Variants in TBC1D22A observed in about 807,000 individuals in gnomAD.
TBC1D22A encodes the protein putative GTPase activator.
Under a neutral mutation model 60.2 loss-of-function variants are expected in TBC1D22A, and 38 were observed. The observed-to-expected ratio is 0.63, with a 90% CI of 0.49 to 0.83. The LOEUF is 0.83. Among genes scored for constraint, TBC1D22A ranks in the 40% least tolerant of loss-of-function variants. TBC1D22A has a pLI of 0.00. For synonymous variants in TBC1D22A, 302 were observed against 281.7 expected (o/e 1.07, Z -0.72); for missense variants, 628 against 701.0 (o/e 0.90, Z 1.18).
At chr22:47,127,520 G>T (rs370856180) in intron 12 of TBC1D22A, among the ~76,000 whole-genome samples, 2 of 150,832 alleles carry the variant, frequency 1.3e-5, no homozygotes, top group Admixed American at 6.6e-5. Flanking sequence ...CCACCACCAC[G>T]CCCAGCCTGG....
intron 4 of TBC1D22A, among the ~76,000 whole-genome samples, chr22:46,819,473 T>C (rs1161763076): frequency 6.6e-6 from 1 of 152,226 alleles, no homozygotes; most frequent in Non-Finnish European, 1.5e-5. Context: ...ATCAAAGGCC[T>C]TTTCTGTATC....
At chr22:46,922,149 C>T (rs2070794137) in intron 8 of TBC1D22A, among the ~76,000 whole-genome samples, 1 of 152,180 alleles carries the variant, frequency 6.6e-6, no homozygotes. Context: ...GGAGTCCTTT[C>T]TCCATTGCTT....
intron 11 of TBC1D22A, among the ~76,000 whole-genome samples, chr22:47,063,859 A>G (rs1021857594): frequency 6.6e-6 from 1 of 152,172 alleles, no homozygotes; most frequent in Non-Finnish European, 1.5e-5. Flanking sequence ...CTCTGTCGCT[A>G]CGTAGCCTTC....
At chr22:46,786,928 C>G (rs2084182712) in intron 1 of TBC1D22A, among the ~76,000 whole-genome samples, 1 of 152,082 alleles carries the variant, frequency 6.6e-6, no homozygotes, top group East Asian at 1.9e-4. Flanking sequence ...TTCAAGTGAT[C>G]CTCCCACCTT....
chr22:46,974,052 TTA>T (rs1380629070), intron 8 of TBC1D22A, among the ~76,000 whole-genome samples: 1 of 152,232 alleles, frequency 6.6e-6, no homozygotes, highest in Non-Finnish European at 1.5e-5. Context: ...AATGTATTAA[TTA>T]TGTTAATTAA....
At chr22:47,166,523 G>A (rs1045264670) in intron 12 of TBC1D22A, among the ~76,000 whole-genome samples, 3 of 152,226 alleles carry the variant, frequency 2.0e-5, no homozygotes, top group East Asian at 1.9e-4. Context: ...TGTTTCAGAC[G>A]CACCACTCAT....
At position 46,932,042 on chromosome 22, in the gene TBC1D22A, GT is replaced by G. The variant is rs151271811; in HGVS notation, c.1015+19856del. Among the ~76,000 whole-genome samples the G allele has an allele frequency of 7.2e-3, 1,095 of 152,308 alleles. 10 individuals are homozygous for G. The highest frequency in any genetic ancestry group is 0.025 in the African/African-American group (1,044 of 41,556). ...TTGTCGAGGAATGCCTTATTCTGAT[GT>G]TACGCGGTTTCTTTCCTGGCTCATG... is the stretch of plus-strand genomic sequence containing the variant. On this transcript the variant is annotated intron_variant, in intron 8 of 12. Coordinates refer to ENST00000337137, the MANE Select transcript of TBC1D22A (RefSeq NM_014346.5).
chr22:47,151,001 T>C (rs970259366), intron 12 of TBC1D22A, among the ~76,000 whole-genome samples: 1 of 152,126 alleles, frequency 6.6e-6, no homozygotes, highest in African/African-American at 2.4e-5. Context: ...ATGGCCTTGC[T>C]CTTCCTGCTG....
At chr22:46,880,552 A>T (rs2067800807) in intron 5 of TBC1D22A, among the ~76,000 whole-genome samples, 1 of 152,170 alleles carries the variant, frequency 6.6e-6, no homozygotes, top group Admixed American at 6.5e-5. Flanking sequence ...TGGGAGACGG[A>T]GATGAATTAG....
chr22:47,111,815 G>A (rs771566433), intron 12 of TBC1D22A, among the ~76,000 whole-genome samples: 10 of 152,208 alleles, frequency 6.6e-5, no homozygotes, highest in Admixed American at 2.6e-4. Flanking sequence ...CGCTGCCCAC[G>A]TTATGAGTTA....
chr22:47,002,177 G>A (rs2061428372), intron 10 of TBC1D22A, among the ~76,000 whole-genome samples: 1 of 152,222 alleles, frequency 6.6e-6, no homozygotes, highest in Non-Finnish European at 1.5e-5. Context: ...TAAAGCACAC[G>A]ATGAGATTTC....
intron 11 of TBC1D22A, among the ~76,000 whole-genome samples, chr22:47,101,613 G>T (rs1203299230): frequency 6.6e-6 from 1 of 152,240 alleles, no homozygotes; most frequent in African/African-American, 2.4e-5. Context: ...AGGCCAGTGG[G>T]TTCCAGGGTT....
intron 4 of TBC1D22A, among the ~76,000 whole-genome samples, chr22:46,797,914 C>G (rs191878003): frequency 6.6e-6 from 1 of 152,274 alleles, no homozygotes; most frequent in Admixed American, 6.5e-5. Flanking sequence ...ACTCTGTTGC[C>G]TGGCTGGAGT....
intron 11 of TBC1D22A, among the ~76,000 whole-genome samples, chr22:47,046,999 A>T (rs772249054): frequency 2.0e-5 from 3 of 152,254 alleles, no homozygotes; most frequent in Non-Finnish European, 2.9e-5. Flanking sequence ...TGATGTATTC[A>T]TTAATATTTT....
At position 47,152,920 on chromosome 22, in the gene TBC1D22A, G is replaced by A. The variant is rs576004032; in HGVS notation, c.1426-20578G>A. ...GTTAGCTGTGGGAGAAAAGCACTCG[G>A]GCTAATTGGAACGAGGATTGACTGA... is the stretch of plus-strand genomic sequence containing the variant. On this transcript the variant is annotated intron_variant, in intron 12 of 12. Coordinates refer to ENST00000337137, the MANE Select transcript of TBC1D22A (RefSeq NM_014346.5). Among the ~76,000 whole-genome samples the A allele has an allele frequency of 3.5e-4, 54 of 152,190 alleles. No homozygotes were observed. In the East Asian group the frequency reaches 6.4e-3, roughly 18 times the overall value.
chr22:46,841,420 G>A (rs78770553), intron 4 of TBC1D22A, among the ~76,000 whole-genome samples: 2,040 of 152,290 alleles, frequency 0.013, 55 homozygotes, highest in African/African-American at 0.046. Flanking sequence ...CCAGAATCGT[G>A]AGAAAAAATT....
intron 10 of TBC1D22A, among the ~76,000 whole-genome samples, chr22:47,030,400 A>G (rs1473582349): frequency 6.6e-6 from 1 of 152,246 alleles, no homozygotes; most frequent in Admixed American, 6.5e-5. Context: ...CCTGGGACAC[A>G]ATGTGCTTGC....
intron 12 of TBC1D22A, among the ~76,000 whole-genome samples, chr22:47,146,000 T>C (rs1453660545): frequency 6.7e-6 from 1 of 149,774 alleles, no homozygotes; most frequent in African/African-American, 2.5e-5. Context: ...TTCCGTGCTG[T>C]CCCTTAAAGC....
chr22:47,168,766 C>T (rs1459471473), intron 12 of TBC1D22A, among the ~76,000 whole-genome samples: 1 of 149,464 alleles, frequency 6.7e-6, no homozygotes, highest in Non-Finnish European at 1.5e-5. Flanking sequence ...GAAGGCCTGG[C>T]ACGCGGGGGA....
Sources: allele counts gnomAD v4.1 joint callset (sites outside exome capture counted in the v4.1 genomes callset), GRCh38; gene constraint gnomAD v4.1.1; transcripts MANE v1.5; gene names NCBI Gene and HGNC (gene_info 2026-07-23, HGNC 2026-07-21).